Variants in SAP130 observed in about 807,000 individuals in gnomAD.
SAP130 encodes the protein histone deacetylase complex subunit SAP130.
In SAP130, 16 loss-of-function variants were observed where a neutral mutation model predicts 103.2. The observed-to-expected ratio is 0.16, with a 90% CI of 0.10 to 0.24. The LOEUF is 0.24. SAP130 is among the 10% of genes least tolerant of loss of function. SAP130 has a pLI of 1.00. For missense variants in SAP130, 990 were observed against 1,359.7 expected, an observed-to-expected ratio of 0.73 and a Z score of 4.28; for synonymous variants, 477 against 497.0, an observed-to-expected ratio of 0.96 and a Z score of 0.53.
intron 14 of SAP130, among the ~76,000 whole-genome samples, chr2:127,979,742 G>A (rs1681728041): frequency 6.6e-6 from 1 of 152,112 alleles, no homozygotes; most frequent in South Asian, 2.1e-4. Context: ...AAATGACATG[G>A]TATCTAGGAT....
chr2:128,005,870 T>C (rs1415367459), intron 7 of SAP130, among the ~76,000 whole-genome samples: 1 of 152,088 alleles, frequency 6.6e-6, no homozygotes, highest in Non-Finnish European at 1.5e-5. Flanking sequence ...CCTCAAGTGA[T>C]CTGCCTGCCT....
intron 18 of SAP130, 78 bp from the exon 19 acceptor site, chr2:127,945,637 G>A: frequency 1.2e-6 from 1 of 861,914 alleles, no homozygotes; most frequent in Non-Finnish European, 1.9e-6. Flanking sequence ...CAGTGTAAAT[G>A]CCATTATTTT....
chr2:127,984,557 G>A (rs555884594), intron 14 of SAP130, among the ~76,000 whole-genome samples: 9 of 152,272 alleles, frequency 5.9e-5, no homozygotes, highest in Admixed American at 4.6e-4. Context: ...TGTCCTTAAG[G>A]AAGCCCTAGT....
At chr2:128,006,772 G>A (rs192308513) in intron 7 of SAP130, among the ~76,000 whole-genome samples, 5 of 152,292 alleles carry the variant, frequency 3.3e-5, no homozygotes, top group South Asian at 2.1e-4. Context: ...GGAGCAAGAC[G>A]TTGTCTCAAA....
At chr2:127,998,183 C>T (rs922555688) in intron 10 of SAP130, among the ~76,000 whole-genome samples, 4 of 151,796 alleles carry the variant, frequency 2.6e-5, no homozygotes, top group African/African-American at 9.7e-5. Context: ...GCACAGAAAA[C>T]ATTAAGTCTG....
chr2:127,988,165 G>A (rs1265544783), intron 13 of SAP130, among the ~76,000 whole-genome samples: 4 of 152,206 alleles, frequency 2.6e-5, no homozygotes, highest in Non-Finnish European at 5.9e-5. Flanking sequence ...GCTGATGCCT[G>A]CAATCGCAGC....
In SAP130 at chr2:128,017,796, C is replaced by T. The variant is rs766466567; in HGVS notation, c.232G>A (p.Val78Met). 1.2e-6 allele frequency: 2 copies of T among 1,614,244 alleles called. No individual in the cohort carries two copies. The highest frequency in any genetic ancestry group is 4.5e-5 in the East Asian group (2 of 44,890). ...GCATGGTGTGTCGACAACATCTGCA[C>T]CTGTGGATAGGGCCTTACCACAACA... Reference protein sequence around the residue: ...EPVVVRPYPQVQMLSTHHAVA... With the variant: ...EPVVVRPYPQMQMLSTHHAVA... The change falls in exon 3 of 21, where the codon GTG becomes ATG. Residue 78 changes from valine to methionine, a missense_variant. Transcript: ENST00000643581.
chr2:128,027,446 CG>C, intron 1 of SAP130: 1 of 1,106,864 alleles, frequency 9.0e-7, no homozygotes, highest in Non-Finnish European at 1.1e-6. Flanking sequence ...CGAGCCTGGC[CG>C]GGGCAGCCCA....
chr2:128,003,957 CTTTTTTTTT>C lies in SAP130; in HGVS notation c.870-3512_870-3504del, dbSNP rs61211577. ...ACTGTGTAGTTCTCCCACAGATCAG[CTTTTTTTTT>C]TTTTTTTTTTTTTTTTTTTTTTTGT... On this transcript the variant is annotated intron_variant, in intron 7 of 20. Transcript: ENST00000643581. Among the ~76,000 whole-genome samples the C allele has an allele frequency of 2.5e-3, 167 of 67,904 alleles. 1 individual carries two copies. Among genetic ancestry groups the C allele is most frequent in the South Asian group, 0.013 (13 of 984 alleles). The allele number at this position is 67,904 out of a possible 152,430, so 44.5% of individuals were successfully genotyped here. A position where few individuals can be genotyped will look rare whatever the true frequency, so the allele number is the denominator to read the frequency against.
intron 2 of SAP130, among the ~76,000 whole-genome samples, chr2:128,018,313 CAAAAAAAA>C (rs200188563): frequency 2.0e-5 from 1 of 50,594 alleles, no homozygotes; most frequent in African/African-American, 6.9e-5. Context: ...ACTAAAAATA[CAAAAAAAA>C]AAAAAAAAAA....
chr2:128,007,815 C>T (rs376147465), intron 7 of SAP130, among the ~76,000 whole-genome samples: 9 of 152,294 alleles, frequency 5.9e-5, no homozygotes, highest in African/African-American at 1.9e-4. Context: ...CCTGGATAGA[C>T]ACCTGAAGGC....
At chr2:127,961,015 A>T (rs1680208450) in intron 15 of SAP130, among the ~76,000 whole-genome samples, 1 of 146,806 alleles carries the variant, frequency 6.8e-6, no homozygotes, top group African/African-American at 2.5e-5. Flanking sequence ...TTTTTGAGAC[A>T]GGGTCTGGCT....
chr2:127,956,975 T>C (rs969710174), intron 15 of SAP130, among the ~76,000 whole-genome samples: 1 of 152,140 alleles, frequency 6.6e-6, no homozygotes, highest in Non-Finnish European at 1.5e-5. Context: ...AGATGAGAAA[T>C]TGTATACTTG....
intron 6 of SAP130, among the ~76,000 whole-genome samples, chr2:128,011,626 C>T (rs1012477989): frequency 3.3e-5 from 5 of 152,180 alleles, no homozygotes; most frequent in African/African-American, 9.7e-5. Context: ...GCCTAATACT[C>T]CTCCGACTCT....
rs765406202 is a variant in SAP130, at chr2:127,955,281, A to G, written c.2127T>C (p.Thr709=). 1 of 1,613,016 alleles carries G rather than the reference A, an allele frequency of 6.2e-7. No homozygotes were observed. Among genetic ancestry groups the G allele is most frequent in the Non-Finnish European group, 8.5e-7 (1 of 1,179,362 alleles). Reference sequence around the variant, plus strand: ...GCTGATCATTATTTTGATTGGATACAGTCTCCATGGACACAGTGACCGGAG... The same window carrying G: ...GCTGATCATTATTTTGATTGGATACGGTCTCCATGGACACAGTGACCGGAG... ...MATPVTVSME[T]VSNQNNDQPT... is the part of the protein sequence containing the mutation. Residue 709 remains threonine, a synonymous_variant, in exon 16 of 21, where the codon ACT becomes ACC. Transcript: ENST00000643581. This position sits in a 1 kb window ranked among gnomAD's most constrained non-coding sequence, Gnocchi z 4.9.
intron 15 of SAP130, among the ~76,000 whole-genome samples, chr2:127,959,211 G>A (rs1294021454): frequency 6.6e-6 from 1 of 152,008 alleles, no homozygotes; most frequent in African/African-American, 2.4e-5. Flanking sequence ...TTTTTTCCTT[G>A]TGTGTCCCGG....
At chr2:127,947,767 T>TGTGTGTGAGTGTGTGTGTGTGA (rs1419919293) in intron 18 of SAP130, among the ~76,000 whole-genome samples, 1 of 147,142 alleles carries the variant, frequency 6.8e-6, no homozygotes, top group Admixed American at 6.7e-5. Context: ...TGTGTGTCTG[T>TGTGTGTGAGTGTGTGTGTGTGA]GTGTGTGTGT....
chr2:128,015,507 G>A (rs1684708553), intron 4 of SAP130, among the ~76,000 whole-genome samples: 1 of 152,094 alleles, frequency 6.6e-6, no homozygotes, highest in Non-Finnish European at 1.5e-5. Flanking sequence ...AATTTTTCTT[G>A]AAAATGTGAA....
intron 6 of SAP130, among the ~76,000 whole-genome samples, chr2:128,011,218 GT>G (rs1684373973): frequency 6.6e-6 from 1 of 152,208 alleles, no homozygotes; most frequent in Admixed American, 6.5e-5. Flanking sequence ...GCAACTCAAG[GT>G]AACAGTATTC....
Sources: gnomAD v4.1 joint callset for allele counts (sites outside exome capture counted in the v4.1 genomes callset) on GRCh38, gnomAD v4.1.1 for gene constraint, Gnocchi (gnomAD v3.1) non-coding constraint, MANE v1.5 for transcripts, NCBI Gene and HGNC (gene_info 2026-07-23, HGNC 2026-07-21) for gene names.